ZMIZ1: variants seen among roughly 807,000 people sequenced by gnomAD.
The protein encoded by ZMIZ1 is zinc finger MIZ domain-containing protein 1.
A neutral mutation model predicts 113.9 loss-of-function variants in ZMIZ1; 17 were observed. The ratio of observed to expected loss-of-function variants is 0.15; its 90% CI spans 0.10 to 0.22. The LOEUF is 0.22. Ranked by LOEUF, ZMIZ1 falls within the 10% of genes least tolerant of loss-of-function variation. The pLI, the probability that ZMIZ1 is intolerant of heterozygous loss-of-function variation, is 1.00. For missense variants in ZMIZ1, 1,059 were observed against 1,477.8 expected, an observed-to-expected ratio of 0.72 and a Z score of 4.65; for synonymous variants, 607 against 603.1, an observed-to-expected ratio of 1.01 and a Z score of -0.09.
At chr10:79,242,237 C>A in intron 7 of ZMIZ1, among the ~76,000 whole-genome samples, 1 of 152,108 alleles carries the variant, frequency 6.6e-6, no homozygotes, top group East Asian at 1.9e-4. Flanking sequence ...AGGAAGAGGC[C>A]TCGGCCACCA....
rs541324712 is a variant in ZMIZ1 at position 79,144,394 on chromosome 10, A to G, written c.-131+4617A>G. Among the ~76,000 whole-genome samples, 32 of 152,162 alleles carry G rather than the reference A, an allele frequency of 2.1e-4. No individual in the cohort carries two copies. The South Asian group carries it at 6.0e-3, about 29-fold the overall frequency. ...ATCCAGGCTTATAGACTGCCTCCCCACTGGCCCCATTTTGCAGGTGAGGAA... is the reference window on the plus strand; with the variant it reads ...ATCCAGGCTTATAGACTGCCTCCCCGCTGGCCCCATTTTGCAGGTGAGGAA... On this transcript the variant is annotated intron_variant, in intron 3 of 24. Transcript: ENST00000334512.
At position 79,256,726 on chromosome 10, in the gene ZMIZ1, G is replaced by A. The variant is rs913403044; in HGVS notation, c.281-20455G>A. On this transcript the variant is annotated intron_variant, in intron 7 of 24. Transcript: ENST00000334512. ...GCTCTGGGAGGTGATTTCTCTCCAG[G>A]GTCAGGCTGCTCTGAAGTTACCAGG... Among the ~76,000 whole-genome samples, 70 of 152,102 alleles carry A rather than the reference G, an allele frequency of 4.6e-4. 2 individuals carry two copies. Among genetic ancestry groups the A allele is most frequent in the Admixed American group, 1.1e-3 (17 of 15,276 alleles).
At chr10:79,115,877 T>C (rs1843998275) in intron 1 of ZMIZ1, among the ~76,000 whole-genome samples, 1 of 152,240 alleles carries the variant, frequency 6.6e-6, no homozygotes, top group Non-Finnish European at 1.5e-5. Context: ...AGTCAATACA[T>C]GGAAGGATTT....
intron 1 of ZMIZ1, among the ~76,000 whole-genome samples, chr10:79,076,569 C>CT (rs1202602850): frequency 2.0e-5 from 3 of 152,212 alleles, no homozygotes; most frequent in Non-Finnish European, 4.4e-5. Context: ...GGCACAGTGG[C>CT]TCATGCCTGT....
At chr10:79,256,248 T>C (rs1207296640) in intron 7 of ZMIZ1, among the ~76,000 whole-genome samples, 1 of 152,206 alleles carries the variant, frequency 6.6e-6, no homozygotes, top group African/African-American at 2.4e-5. Flanking sequence ...GAGGGAATTC[T>C]GGGGGGCCTC....
intron 7 of ZMIZ1, among the ~76,000 whole-genome samples, chr10:79,243,113 T>C (rs1197400389): frequency 1.3e-5 from 2 of 150,094 alleles, no homozygotes; most frequent in African/African-American, 4.9e-5. Context: ...CTCCTCCTCC[T>C]CCCTCCCCTC....
chr10:79,251,403 A>G (rs1054721839), intron 7 of ZMIZ1, among the ~76,000 whole-genome samples: 1 of 152,070 alleles, frequency 6.6e-6, no homozygotes, highest in Admixed American at 6.5e-5. Flanking sequence ...TTCCTGCTCT[A>G]CGTGGTTCTC....
At chr10:79,279,032 A>G (rs1852506077) in intron 8 of ZMIZ1, among the ~76,000 whole-genome samples, 1 of 149,272 alleles carries the variant, frequency 6.7e-6, no homozygotes, top group Non-Finnish European at 1.5e-5. Context: ...GGCGCCACCC[A>G]CGTCCCAGAC....
intron 7 of ZMIZ1, among the ~76,000 whole-genome samples, chr10:79,229,166 C>G (rs1589450585): frequency 6.6e-6 from 1 of 152,232 alleles, no homozygotes; most frequent in South Asian, 2.1e-4. Context: ...CCATCTGGAT[C>G]TCCTCACCCT....
chr10:79,263,726 G>A (rs1851405572), intron 7 of ZMIZ1, among the ~76,000 whole-genome samples: 2 of 152,012 alleles, frequency 1.3e-5, no homozygotes, highest in Non-Finnish European at 2.9e-5. Context: ...TAAGGGTTGA[G>A]GTCAAATCAA....
At chr10:79,097,915 C>T (rs1304923792) in intron 1 of ZMIZ1, among the ~76,000 whole-genome samples, 1 of 152,162 alleles carries the variant, frequency 6.6e-6, no homozygotes, top group African/African-American at 2.4e-5. Flanking sequence ...GCTTCATTAC[C>T]AGGGGCTTCT....
chr10:79,228,713 A>G (rs1849283774), intron 7 of ZMIZ1, among the ~76,000 whole-genome samples: 1 of 152,170 alleles, frequency 6.6e-6, no homozygotes, highest in Admixed American at 6.5e-5. Context: ...CCACCATTTC[A>G]GTGTTCCCTG....
chr10:79,246,415 C>T lies in ZMIZ1; in HGVS notation c.280+30141C>T, dbSNP rs559256696. 2.0e-5 allele frequency among the ~76,000 whole-genome samples: 3 copies of T among 152,226 alleles called. No individual in the cohort carries two copies. In the South Asian group the frequency reaches 6.2e-4, roughly 32 times the overall value. Reference sequence around the variant, plus strand: ...CTGGCAGAGCTGGAAGGAGCGGGCGCGAGGCTCTCTGGGCAAGGGAGGTGT... The same window carrying T: ...CTGGCAGAGCTGGAAGGAGCGGGCGTGAGGCTCTCTGGGCAAGGGAGGTGT... On this transcript the variant is annotated intron_variant, in intron 7 of 24. Coordinates refer to ENST00000334512, the MANE Select transcript of ZMIZ1 (RefSeq NM_020338.4).
intron 4 of ZMIZ1, among the ~76,000 whole-genome samples, chr10:79,177,597 C>T (rs1846927704): frequency 1.3e-5 from 2 of 152,336 alleles, no homozygotes; most frequent in South Asian, 4.1e-4. Flanking sequence ...GCCTCCTGCC[C>T]CGGGATGTCC....
In ZMIZ1 at chr10:79,250,347, G is replaced by T. The variant is rs929761848; in HGVS notation, c.281-26834G>T. 2.6e-5 allele frequency among the ~76,000 whole-genome samples: 4 copies of T among 152,334 alleles called. No homozygotes were observed. In the East Asian group the frequency reaches 5.8e-4, roughly 22 times the overall value. On this transcript the variant is annotated intron_variant, in intron 7 of 24. Transcript: ENST00000334512. ...CTGTGGAGGGTGGTGCCATCTGGGGGCTTATCCCTCCTTCCAGCATGGCCA... is the reference window on the plus strand; with the variant it reads ...CTGTGGAGGGTGGTGCCATCTGGGGTCTTATCCCTCCTTCCAGCATGGCCA...
chr10:79,291,197 G>A, intron 10 of ZMIZ1, 21 bp downstream of exon 10: 1 of 1,581,692 alleles, frequency 6.3e-7, no homozygotes, highest in Non-Finnish European at 8.6e-7. Flanking sequence ...CTGACCTGTG[G>A]CAGAAGCCAT....
intron 3 of ZMIZ1, among the ~76,000 whole-genome samples, chr10:79,161,750 G>C (rs757019932): frequency 6.6e-6 from 1 of 152,226 alleles, no homozygotes; most frequent in South Asian, 2.1e-4. Flanking sequence ...GAGTGAATGC[G>C]AAGTGCCTTT....
intron 7 of ZMIZ1, among the ~76,000 whole-genome samples, chr10:79,241,814 G>A (rs1261668534): frequency 2.6e-5 from 4 of 152,198 alleles, no homozygotes; most frequent in African/African-American, 7.2e-5. Context: ...GCTGAGAAGA[G>A]GGGATGGAGT....
chr10:79,141,853 T>C (rs1452010498), intron 3 of ZMIZ1, among the ~76,000 whole-genome samples: 1 of 152,016 alleles, frequency 6.6e-6, no homozygotes, highest in Non-Finnish European at 1.5e-5. Context: ...GTCAGAGAGA[T>C]CATGGAGGAC....
Sources: allele counts gnomAD v4.1 joint callset (sites outside exome capture counted in the v4.1 genomes callset), GRCh38; gene constraint gnomAD v4.1.1; transcripts MANE v1.5; gene names NCBI Gene and HGNC (gene_info 2026-07-23, HGNC 2026-07-21).